Variants in PDE4D observed in about 807,000 individuals in gnomAD.
PDE4D encodes the protein 3',5'-cyclic-AMP phosphodiesterase 4D.
In PDE4D, 24 loss-of-function variants were observed where a neutral mutation model predicts 87.4. That is an observed-to-expected ratio of 0.27 (90% CI 0.20 to 0.39). PDE4D has a LOEUF of 0.39. PDE4D is among the 10% of genes least tolerant of loss of function. PDE4D has a pLI of 1.00. For synonymous variants in PDE4D, 384 were observed against 383.2 expected, an observed-to-expected ratio of 1.00 and a Z score of -0.02; for missense variants, 714 against 1,041.0, an observed-to-expected ratio of 0.69 and a Z score of 4.32.
chr5:60,502,599 G>T (rs183616132), intron 1 of PDE4D, among the ~76,000 whole-genome samples: 238 of 152,242 alleles, frequency 1.6e-3, no homozygotes, highest in African/African-American at 5.5e-3. Flanking sequence ...CGGCCATCTT[G>T]GCTGTCCCCC....
chr5:60,067,484 T>A (rs945818312), intron 2 of PDE4D, among the ~76,000 whole-genome samples: 1 of 152,132 alleles, frequency 6.6e-6, no homozygotes, highest in African/African-American at 2.4e-5. Flanking sequence ...GCCCCAAATT[T>A]AGAAATTCTA....
intron 2 of PDE4D, among the ~76,000 whole-genome samples, chr5:60,003,018 TA>T (rs1355969304): frequency 4.6e-5 from 7 of 152,222 alleles, no homozygotes; most frequent in Non-Finnish European, 1.0e-4. Flanking sequence ...AAGACTTCAC[TA>T]AAAAACTGTC....
At chr5:59,170,821 G>A (rs948465215) in intron 5 of PDE4D, among the ~76,000 whole-genome samples, 1 of 149,948 alleles carries the variant, frequency 6.7e-6, no homozygotes, top group Non-Finnish European at 1.5e-5. Context: ...AATTTGGATT[G>A]TTTTTAACCC....
In PDE4D at chr5:59,508,127, T is replaced by G. The variant is rs561045276; in HGVS notation, c.456-292159A>C. ...TGCTTTGTTTGTTTTTTTGTTTTTT[T>G]CCTGAAGGCATTTACCAATTCTTTG... On this transcript the variant is annotated intron_variant, in intron 1 of 14. Coordinates refer to ENST00000340635, the MANE Select transcript of PDE4D (RefSeq NM_001104631.2). 2.7e-3 allele frequency among the ~76,000 whole-genome samples: 412 copies of G among 152,258 alleles called. 2 individuals are homozygous for G. Among genetic ancestry groups the G allele is most frequent in the African/African-American group, 9.3e-3 (385 of 41,560 alleles).
In PDE4D at chr5:59,397,070, A is replaced by G. The variant is rs1440429011; in HGVS notation, c.456-181102T>C. On this transcript the variant is annotated intron_variant, in intron 1 of 14. Coordinates refer to ENST00000340635, the MANE Select transcript of PDE4D (RefSeq NM_001104631.2). ...TATATGCACCTGCAGGAGCACCCAG[A>G]TTCATAAAGCAAGTCCTGAGTGACC... Among the ~76,000 whole-genome samples the G allele has an allele frequency of 1.1e-4, 15 of 131,622 alleles. 1 individual carries two copies. Among genetic ancestry groups the G allele is most frequent in the Non-Finnish European group, 2.0e-4 (12 of 61,192 alleles). 86.3% of individuals were successfully genotyped at this position (131,622 alleles called of 152,430 possible). A position where few individuals can be genotyped will look rare whatever the true frequency, so the allele number is the denominator to read the frequency against.
At chr5:59,145,388 G>A (rs965260778) in intron 5 of PDE4D, among the ~76,000 whole-genome samples, 1 of 152,096 alleles carries the variant, frequency 6.6e-6, no homozygotes, top group Non-Finnish European at 1.5e-5. Context: ...AGAGAGAAGG[G>A]GACAGGTTCT....
chr5:59,220,377 CAAAAAAAAA>C (rs57610513), intron 1 of PDE4D, among the ~76,000 whole-genome samples: 1,007 of 36,152 alleles, frequency 0.028, 11 homozygotes, highest in African/African-American at 0.055. Context: ...GACTCTGTCT[CAAAAAAAAA>C]AAAAAAAAAA....
intron 1 of PDE4D, among the ~76,000 whole-genome samples, chr5:60,347,192 G>C (rs554615287): frequency 6.6e-6 from 1 of 152,058 alleles, no homozygotes; most frequent in African/African-American, 2.4e-5. Flanking sequence ...TGATGCATAA[G>C]AGCCAGTGTG....
chr5:60,331,921 G>C (rs188958938), intron 1 of PDE4D, among the ~76,000 whole-genome samples: 1 of 152,260 alleles, frequency 6.6e-6, no homozygotes, highest in Admixed American at 6.5e-5. Context: ...TCATGTTCCT[G>C]CCTTTTCTTG....
intron 1 of PDE4D, among the ~76,000 whole-genome samples, chr5:60,510,060 A>G (rs1231183913): frequency 6.6e-6 from 1 of 152,164 alleles, no homozygotes; most frequent in Non-Finnish European, 1.5e-5. Context: ...AGAGATAAGG[A>G]GAGGCCAGGC....
chr5:59,292,782 A>G (rs1319846840), intron 1 of PDE4D, among the ~76,000 whole-genome samples: 1 of 152,130 alleles, frequency 6.6e-6, no homozygotes, highest in Non-Finnish European at 1.5e-5. Context: ...TGAGACGCTC[A>G]TAGGCTGTAG....
chr5:59,515,911 A>G (rs1255517837), intron 1 of PDE4D, among the ~76,000 whole-genome samples: 1 of 152,222 alleles, frequency 6.6e-6, no homozygotes, highest in African/African-American at 2.4e-5. Context: ...GATGGTGTGG[A>G]AATAACTAGT....
intron 1 of PDE4D, among the ~76,000 whole-genome samples, chr5:59,577,169 G>A (rs1167564034): frequency 1.3e-5 from 2 of 152,106 alleles, no homozygotes; most frequent in African/African-American, 4.8e-5. Flanking sequence ...GAAGAGTTGG[G>A]AAGATATGAG....
At chr5:59,439,621 T>TA (rs1797297211) in intron 1 of PDE4D, among the ~76,000 whole-genome samples, 1 of 152,068 alleles carries the variant, frequency 6.6e-6, no homozygotes, top group Admixed American at 6.5e-5. Flanking sequence ...CCAGTAGAGA[T>TA]AGGTAAATGG....
At chr5:59,608,604 T>C (rs1213814777) in intron 1 of PDE4D, among the ~76,000 whole-genome samples, 1 of 152,144 alleles carries the variant, frequency 6.6e-6, no homozygotes, top group Non-Finnish European at 1.5e-5. Flanking sequence ...GCATTTACCC[T>C]GTCCTGGGTA....
At chr5:60,050,205 G>A (rs1484558151) in intron 2 of PDE4D, among the ~76,000 whole-genome samples, 2 of 152,160 alleles carry the variant, frequency 1.3e-5, no homozygotes, top group Non-Finnish European at 2.9e-5. Flanking sequence ...GTGAGGCAAT[G>A]CCTCACCCTG....
At chr5:59,597,894 C>T (rs1826927269) in intron 1 of PDE4D, among the ~76,000 whole-genome samples, 1 of 152,112 alleles carries the variant, frequency 6.6e-6, no homozygotes, top group East Asian at 1.9e-4. Context: ...AACATTCTGA[C>T]TCGAGGGTGA....
At chr5:59,898,616 G>T (rs1249404163), upstream of PDE4D, among the ~76,000 whole-genome samples, 1 of 152,178 alleles carries the variant, frequency 6.6e-6, no homozygotes, top group Non-Finnish European at 1.5e-5. Context: ...GGAGATGAAG[G>T]AGTAAAGGCA....
chr5:60,121,344 A>C (rs550382924), intron 2 of PDE4D, among the ~76,000 whole-genome samples: 1 of 152,200 alleles, frequency 6.6e-6, no homozygotes, highest in Admixed American at 6.5e-5. Flanking sequence ...TAGAGGAATT[A>C]TTTCTAACTC....
Sources: gnomAD v4.1 joint callset for allele counts (sites outside exome capture counted in the v4.1 genomes callset) on GRCh38, gnomAD v4.1.1 for gene constraint, MANE v1.5 for transcripts, NCBI Gene and HGNC (gene_info 2026-07-23, HGNC 2026-07-21) for gene names.